Variants in ERCC1 observed in about 807,000 individuals in gnomAD.
ERCC1 encodes ERCC excision repair 1, endonuclease non-catalytic subunit.
Under a neutral mutation model 37.6 loss-of-function variants are expected in ERCC1, and 36 were observed. That is an observed-to-expected ratio of 0.96 (90% CI 0.73 to 1.26). The LOEUF (loss-of-function observed/expected upper bound fraction) is 1.26, where lower values mean the gene tolerates loss of function less well. Ranked by LOEUF, ERCC1 falls within the 50% of genes most tolerant of loss-of-function variation. The pLI is 0.00. For synonymous variants in ERCC1, 156 were observed against 162.1 expected (o/e 0.96, Z 0.28); for missense variants, 349 against 376.5 (o/e 0.93, Z 0.60).
At chr19:45,425,032 C>G (rs2123550441), upstream of ERCC1, among the ~76,000 whole-genome samples, 1 of 149,924 alleles carries the variant, frequency 6.7e-6, no homozygotes, top group Middle Eastern at 3.5e-3. Context: ...AGCGATTCTC[C>G]TGCCTCCTTA....
intron 1 of ERCC1, among the ~76,000 whole-genome samples, chr19:45,443,896 C>T (rs890738754): frequency 6.6e-6 from 1 of 151,930 alleles, no homozygotes; most frequent in African/African-American, 2.4e-5. Flanking sequence ...ACACCCCGTA[C>T]CCCGTCCTTT....
At chr19:45,448,414 G>A (rs1275851440) in intron 1 of ERCC1, among the ~76,000 whole-genome samples, 1 of 152,102 alleles carries the variant, frequency 6.6e-6, no homozygotes, top group African/African-American at 2.4e-5. Context: ...ACAACCTGAG[G>A]GAGAGTTAAG....
In ERCC1 at chr19:45,409,179, T is replaced by C; in HGVS notation, c.*496A>G. The C allele has an allele frequency of 6.2e-7, 1 of 1,612,686 alleles. No individual in the cohort carries two copies. The highest frequency in any genetic ancestry group is 8.5e-7 in the Non-Finnish European group (1 of 1,179,506). On this transcript the variant is annotated 3_prime_UTR_variant, in exon 10 of 10. Transcript: ENST00000300853. Reference sequence around the variant, plus strand: ...ACAGTGGAGCCAGAGACAGAGGTGGTGGGGCCTGAGCTGCCGGATGACCTT... The same window carrying C: ...ACAGTGGAGCCAGAGACAGAGGTGGCGGGGCCTGAGCTGCCGGATGACCTT...
chr19:45,421,082 T>G lies in ERCC1; in HGVS notation c.321+96A>C, dbSNP rs901626217. 3.8e-5 allele frequency: 38 copies of G among 987,726 alleles called. No individual in the cohort carries two copies. In the African/African-American group the frequency reaches 5.4e-4, roughly 14 times the overall value. 61.2% of individuals were successfully genotyped at this position (987,726 alleles called of 1,614,324 possible). A position where few individuals can be genotyped will look rare whatever the true frequency, so the allele number is the denominator to read the frequency against. On this transcript the variant is annotated intron_variant, in intron 3 of 9. Transcript: ENST00000300853. Reference sequence around the variant, plus strand: ...GAATGAATGAATGGGGAGAACAAAGTGGCTGGAACTCAGACCTCCTTGCAC... The same window carrying G: ...GAATGAATGAATGGGGAGAACAAAGGGGCTGGAACTCAGACCTCCTTGCAC...
upstream of ERCC1, among the ~76,000 whole-genome samples, chr19:45,425,183 T>C (rs1263943140): frequency 3.4e-5 from 5 of 148,734 alleles, no homozygotes; most frequent in East Asian, 9.8e-4. Flanking sequence ...GATCCTGAGG[T>C]CACTTTGTGA....
At chr19:45,413,323 G>A (rs774197945) in intron 9 of ERCC1, 2 of 549,694 alleles carry the variant, frequency 3.6e-6, no homozygotes, top group Non-Finnish European at 6.5e-6. Context: ...CTGGAGCGTA[G>A]TAACATGCTT....
chr19:45,408,960 A>G lies in ERCC1; in HGVS notation c.*715T>C, dbSNP rs753518136. 1.4e-5 allele frequency: 22 copies of G among 1,614,064 alleles called. No individual in the cohort carries two copies. In the South Asian group the frequency reaches 2.3e-4, roughly 17 times the overall value. On this transcript the variant is annotated 3_prime_UTR_variant, in exon 10 of 10. Transcript: ENST00000300853. ...CCTCTGCCCCCTACGAAGAAGAGGA[A>G]AAAAGAAAAGGGACAGATGGCAATG... is the stretch of plus-strand genomic sequence containing the variant.
intron 1 of ERCC1, among the ~76,000 whole-genome samples, chr19:45,439,293 T>G (rs1406697659): frequency 6.6e-6 from 1 of 152,152 alleles, no homozygotes. Flanking sequence ...TGATGGTACA[T>G]TGCGGTTCAT....
In ERCC1 at chr19:45,409,050, G is replaced by C. The variant is rs750131630; in HGVS notation, c.*625C>G. 6 of 1,613,726 alleles carry C rather than the reference G, an allele frequency of 3.7e-6. No homozygotes were observed. The African/African-American group carries it at 4.0e-5, about 11-fold the overall frequency. ...GAGATGAAGCCTCTGGAGTCCCCAG[G>C]GGGGACCATGGCGCCTCAACAGCCA... On this transcript the variant is annotated 3_prime_UTR_variant, in exon 10 of 10. Transcript: ENST00000300853.
In ERCC1 at chr19:45,421,177, C is replaced by T; in HGVS notation, c.321+1G>A. On this transcript the variant is annotated splice_donor_variant, in intron 3 of 9. Transcript: ENST00000300853. LOFTEE classifies it high-confidence loss of function. ...CCTCACTTCTCCGTCTCCCTCCTCACCTGCCGAGGGCTCACAATGATGCTG... is the reference window on the plus strand; with the variant it reads ...CCTCACTTCTCCGTCTCCCTCCTCATCTGCCGAGGGCTCACAATGATGCTG... 9.3e-6 allele frequency: 15 copies of T among 1,613,830 alleles called. No homozygotes were observed. The highest frequency in any genetic ancestry group is 1.3e-5 in the Non-Finnish European group (15 of 1,179,786).
chr19:45,433,812 G>A (rs916007978), intron 1 of ERCC1, among the ~76,000 whole-genome samples: 7 of 152,002 alleles, frequency 4.6e-5, no homozygotes, highest in African/African-American at 9.7e-5. Flanking sequence ...GGAGGGTAGC[G>A]GAGGTTTCTC....
chr19:45,432,935 C>G (rs931955393), intron 1 of ERCC1, among the ~76,000 whole-genome samples: 1 of 152,134 alleles, frequency 6.6e-6, no homozygotes, highest in African/African-American at 2.4e-5. Flanking sequence ...ACAAAATTAG[C>G]CGGGCATGGT....
chr19:45,426,459 G>A (rs777974139), upstream of ERCC1, among the ~76,000 whole-genome samples: 3 of 150,970 alleles, frequency 2.0e-5, no homozygotes, highest in Non-Finnish European at 2.9e-5. Flanking sequence ...GCTGAGGCAG[G>A]AGAATTGCTT....
At chr19:45,440,695 C>A (rs1320320586) in intron 1 of ERCC1, among the ~76,000 whole-genome samples, 2 of 152,092 alleles carry the variant, frequency 1.3e-5, no homozygotes, top group Non-Finnish European at 2.9e-5. Flanking sequence ...TGAGCCGTTT[C>A]TTTATTTACC....
At chr19:45,426,986 A>C (rs1396775970), upstream of ERCC1, among the ~76,000 whole-genome samples, 1 of 144,820 alleles carries the variant, frequency 6.9e-6, no homozygotes, top group Non-Finnish European at 1.5e-5. Context: ...AAAAAAAGCT[A>C]TGTGTGTTGG....
intron 1 of ERCC1, among the ~76,000 whole-genome samples, chr19:45,435,247 CTATGCCGCACAG>C (rs1420051213): frequency 1.3e-5 from 2 of 152,090 alleles, no homozygotes; most frequent in African/African-American, 4.8e-5. Context: ...ACTTCCAGGA[CTATGCCGCACAG>C]TAACATTGAT....
At chr19:45,425,063 G>A (rs993274066), upstream of ERCC1, among the ~76,000 whole-genome samples, 6 of 144,662 alleles carry the variant, frequency 4.1e-5, no homozygotes, top group African/African-American at 1.3e-4. Flanking sequence ...TTACAGGCAT[G>A]TGCCACCATG....
At chr19:45,447,550 C>T (rs1966986620) in intron 1 of ERCC1, among the ~76,000 whole-genome samples, 1 of 152,120 alleles carries the variant, frequency 6.6e-6, no homozygotes, top group Admixed American at 6.6e-5. Context: ...GATGGGATTA[C>T]AGGCGTGAAC....
At chr19:45,428,456 A>C (rs1756141543), upstream of ERCC1, among the ~76,000 whole-genome samples, 1 of 152,010 alleles carries the variant, frequency 6.6e-6, no homozygotes, top group African/African-American at 2.4e-5. Flanking sequence ...CGGCTCCCAG[A>C]GTTGCGCGTT....
Sources: allele counts gnomAD v4.1 joint callset (sites outside exome capture counted in the v4.1 genomes callset), GRCh38; gene constraint gnomAD v4.1.1; transcripts MANE v1.5; gene names NCBI Gene and HGNC (gene_info 2026-07-23, HGNC 2026-07-21).